QSOX2: variants seen among roughly 807,000 people sequenced by gnomAD.
The protein encoded by QSOX2 is sulfhydryl oxidase 2.
A neutral mutation model predicts 61.7 loss-of-function variants in QSOX2; 46 were observed. The observed-to-expected ratio is 0.75, with a 90% CI of 0.59 to 0.95. The LOEUF is 0.95. QSOX2 is among the 40% of genes least tolerant of loss of function. QSOX2 has a pLI of 0.00. For synonymous variants in QSOX2, 383 were observed against 388.4 expected, an observed-to-expected ratio of 0.99 and a Z score of 0.16; for missense variants, 879 against 918.9, an observed-to-expected ratio of 0.96 and a Z score of 0.56.
In QSOX2 at chr9:136,222,144, G is replaced by A. The variant is rs190611977; in HGVS notation, c.676-203C>T. On this transcript the variant is annotated intron_variant, in intron 5 of 11. Transcript: ENST00000358701. The surrounding 1 kb of genome is among the most constrained non-coding windows in gnomAD (Gnocchi z 6.9). ...CACACACGCCATGAGCAGAAACCAC[G>A]GTCTTATTCGGCAATTTTACAAACT... Among the ~76,000 whole-genome samples, 20 of 152,248 alleles carry A rather than the reference G, an allele frequency of 1.3e-4. No homozygotes were observed. The East Asian group carries it at 3.1e-3, about 24-fold the overall frequency.
rs1831834694 is a variant in QSOX2 at position 136,210,797 on chromosome 9, C to T, written c.1549+467G>A. ...ACTGATTTAGGAACAGTTTGAAGTA[C>T]TTAACTCTGAGAAAATACATGTGCC... On this transcript the variant is annotated intron_variant, in intron 11 of 11. Coordinates refer to ENST00000358701, the MANE Select transcript of QSOX2 (RefSeq NM_181701.4). 5 of 985,182 alleles carry T rather than the reference C, an allele frequency of 5.1e-6. No homozygotes were observed. The African/African-American group carries it at 8.7e-5, about 17-fold the overall frequency. 61.0% of individuals were successfully genotyped at this position (985,182 alleles called of 1,614,324 possible). A position where few individuals can be genotyped will look rare whatever the true frequency, so the allele number is the denominator to read the frequency against.
chr9:136,221,992 G>C lies in QSOX2; in HGVS notation c.676-51C>G. 2 of 1,501,688 alleles carry C rather than the reference G, an allele frequency of 1.3e-6. No homozygotes were observed. Among genetic ancestry groups the C allele is most frequent in the Non-Finnish European group, 1.8e-6 (2 of 1,120,456 alleles). The allele number at this position is 1,501,688 out of a possible 1,614,324, so 93.0% of individuals were successfully genotyped here. On this transcript the variant is annotated intron_variant, in intron 5 of 11. Coordinates refer to ENST00000358701, the MANE Select transcript of QSOX2 (RefSeq NM_181701.4). This position sits in a 1 kb window ranked among gnomAD's most constrained non-coding sequence, Gnocchi z 4.5. ...TTCCACAGGGGCTGGCAGTTTCTCA[G>C]AAAACACGACGTGCAGACACATGGC...
Position 136,206,595 on chromosome 9 carries a change from G to A in QSOX2, c.*2133C>T, listed in dbSNP as rs1831766882. On this transcript the variant is annotated 3_prime_UTR_variant, in exon 12 of 12. Transcript: ENST00000358701. ...TTGCCTAAAGGTGGCATCCAGCTCT[G>A]AGCAGGCCACACAAGGTGTGTCTGA... is the stretch of plus-strand genomic sequence containing the variant. 1 of 152,338 alleles carries A rather than the reference G, an allele frequency of 6.6e-6. No homozygotes were observed. Among genetic ancestry groups the A allele is most frequent in the African/African-American group, 2.4e-5 (1 of 41,446 alleles). 9.4% of individuals were successfully genotyped at this position (152,338 alleles called of 1,614,324 possible).
At chr9:136,233,795 C>T (rs1830353512) in intron 1 of QSOX2, among the ~76,000 whole-genome samples, 1 of 152,254 alleles carries the variant, frequency 6.6e-6, no homozygotes, top group South Asian at 2.1e-4. Flanking sequence ...CATCACCTGG[C>T]AGGACTCTCA....
chr9:136,212,369 G>A (rs1006892523), intron 10 of QSOX2, among the ~76,000 whole-genome samples: 4 of 152,254 alleles, frequency 2.6e-5, no homozygotes, highest in Admixed American at 6.5e-5. Context: ...GAATGAATCC[G>A]TCTTCATCGA....
At chr9:136,212,976 C>T (rs535498092) in intron 10 of QSOX2, among the ~76,000 whole-genome samples, 4 of 152,262 alleles carry the variant, frequency 2.6e-5, no homozygotes, top group Admixed American at 2.0e-4. Flanking sequence ...TGTGCTTTGC[C>T]ATCACACTGC....
intron 9 of QSOX2, 69 bp from the exon 10 acceptor site, chr9:136,215,373 A>C: frequency 8.2e-7 from 1 of 1,215,216 alleles, no homozygotes; most frequent in Non-Finnish European, 1.1e-6. Flanking sequence ...AACAGTCGAC[A>C]GCTGCCTTCT....
chr9:136,218,361 A>C lies in QSOX2; in HGVS notation c.1086+318T>G, dbSNP rs112861108. 5.4e-3 allele frequency among the ~76,000 whole-genome samples: 815 copies of C among 152,054 alleles called. 3 individuals are homozygous for C. Among genetic ancestry groups the C allele is most frequent in the African/African-American group, 0.018 (740 of 41,462 alleles). ...GCAGCGCTCCTCTGAGAGCCAGCTG[A>C]GGTGTGTGTGGGCCTCCGCTCCCTC... On this transcript the variant is annotated intron_variant, in intron 8 of 11. Coordinates refer to ENST00000358701, the MANE Select transcript of QSOX2 (RefSeq NM_181701.4).
Position 136,222,768 on chromosome 9 carries a change from T to C in QSOX2, c.676-827A>G, listed in dbSNP as rs1317321936. ...GGGAGCGTGCCCGGCACCAAGACGGTCCCACACCCGCCTCTTCTCAGGGGA... is the reference window on the plus strand; with the variant it reads ...GGGAGCGTGCCCGGCACCAAGACGGCCCCACACCCGCCTCTTCTCAGGGGA... On this transcript the variant is annotated intron_variant, in intron 5 of 11. Transcript: ENST00000358701. The surrounding 1 kb of genome is among the most constrained non-coding windows in gnomAD (Gnocchi z 6.9). Among the ~76,000 whole-genome samples, 2 of 152,048 alleles carry C rather than the reference T, an allele frequency of 1.3e-5. No homozygotes were observed. Among genetic ancestry groups the C allele is most frequent in the African/African-American group, 2.4e-5 (1 of 41,404 alleles).
chr9:136,209,259 A>T lies in QSOX2; in HGVS notation c.1566T>A (p.Asp522Glu). 1.2e-6 allele frequency: 2 copies of T among 1,612,362 alleles called. No individual in the cohort carries two copies. Among genetic ancestry groups the T allele is most frequent in the Non-Finnish European group, 1.7e-6 (2 of 1,178,934 alleles). ...NGRLAGHLSE[D>E]PRFPKLQWPT... ...GCCACTGAAGCTTTGGAAACCGGGGATCCTCACTCAGATGGCCTAGGAAGA... is the reference window on the plus strand; with the variant it reads ...GCCACTGAAGCTTTGGAAACCGGGGTTCCTCACTCAGATGGCCTAGGAAGA... The change falls in exon 12 of 12, where the codon GAT becomes GAA. Residue 522 changes from aspartate (D) to glutamate (E), a missense_variant. By Grantham distance (45) the Asp-to-Glu change is conservative. Coordinates refer to ENST00000358701, the MANE Select transcript of QSOX2 (RefSeq NM_181701.4). The surrounding 1 kb of genome is among the most constrained non-coding windows in gnomAD (Gnocchi z 5.6).
Position 136,223,859 on chromosome 9 carries a change from A to G in QSOX2, c.585-6T>C. 6.2e-7 allele frequency: 1 copy of G among 1,613,914 alleles called. No homozygotes were observed. Among genetic ancestry groups the G allele is most frequent in the Admixed American group, 1.7e-5 (1 of 60,010 alleles). Reference sequence around the variant, plus strand: ...GGGAAAGAACATCACTGGGCCTTTCAAGAGGAAAAAAAGAGGCTTTTAGTG... The same window carrying G: ...GGGAAAGAACATCACTGGGCCTTTCGAGAGGAAAAAAAGAGGCTTTTAGTG... On this transcript the variant is annotated splice_polypyrimidine_tract_variant and splice_region_variant and intron_variant, in intron 4 of 11. Coordinates refer to ENST00000358701, the MANE Select transcript of QSOX2 (RefSeq NM_181701.4). This position sits in a 1 kb window ranked among gnomAD's most constrained non-coding sequence, Gnocchi z 4.4.
intron 1 of QSOX2, among the ~76,000 whole-genome samples, chr9:136,237,456 A>ATCCTGTGCCGGCAACACCTGGAGCCCG (rs1830395833): frequency 2.9e-5 from 2 of 67,904 alleles, no homozygotes; most frequent in South Asian, 1.2e-3. Context: ...CCTGGAGCCC[A>ATCCTGTGCCGGCAACACCTGGAGCCCG]TCCTGTGCCG....
At chr9:136,217,511 G>A (rs1029746398) in intron 8 of QSOX2, among the ~76,000 whole-genome samples, 2 of 152,214 alleles carry the variant, frequency 1.3e-5, no homozygotes, top group African/African-American at 4.8e-5. Context: ...TCCCGTGCAG[G>A]TTAAAAAGTA....
chr9:136,234,540 G>A (rs1830361128), intron 1 of QSOX2, among the ~76,000 whole-genome samples: 1 of 152,154 alleles, frequency 6.6e-6, no homozygotes, highest in Non-Finnish European at 1.5e-5. Flanking sequence ...TTCTTGGCCT[G>A]ACAGAGACAC....
chr9:136,243,865 C>G (rs1342255641), intron 1 of QSOX2, among the ~76,000 whole-genome samples: 1 of 152,230 alleles, frequency 6.6e-6, no homozygotes, highest in Non-Finnish European at 1.5e-5. Context: ...GGAAGACAGT[C>G]AGCCTCACTA....
intron 1 of QSOX2, among the ~76,000 whole-genome samples, chr9:136,232,935 A>AG (rs1194828054): frequency 0.24 from 34,672 of 142,044 alleles, 4,452 homozygotes; most frequent in Admixed American, 0.32. Context: ...AAAAAAAAAA[A>AG]AAAGAAAAAA....
At chr9:136,228,959 A>G (rs58530314) in intron 1 of QSOX2, among the ~76,000 whole-genome samples, 2,605 of 152,330 alleles carry the variant, frequency 0.017, 67 homozygotes, top group African/African-American at 0.059. Flanking sequence ...TGCCTGGAAG[A>G]GACGGAACAT....
chr9:136,216,526 C>T, intron 9 of QSOX2, 74 bp downstream of exon 9: 1 of 1,579,582 alleles, frequency 6.3e-7, no homozygotes, highest in Non-Finnish European at 8.6e-7. Context: ...CAGGGAGATG[C>T]ACCAGCTAAG....
intron 1 of QSOX2, among the ~76,000 whole-genome samples, chr9:136,232,238 G>C (rs757124734): frequency 2.0e-5 from 3 of 152,318 alleles, no homozygotes; most frequent in Non-Finnish European, 4.4e-5. Flanking sequence ...AGGCTGTGCA[G>C]TGAGCGCTTT....
Sources: gnomAD v4.1 joint callset for allele counts (sites outside exome capture counted in the v4.1 genomes callset) on GRCh38, gnomAD v4.1.1 for gene constraint, Gnocchi (gnomAD v3.1) non-coding constraint, MANE v1.5 for transcripts, NCBI Gene and HGNC (gene_info 2026-07-23, HGNC 2026-07-21) for gene names.